The following VIL1 variants were observed in gnomAD, a reference collection of about 807,000 sequenced individuals.
The protein encoded by VIL1 is villin 1.
A neutral mutation model predicts 104.0 loss-of-function variants in VIL1; 86 were observed. The ratio of observed to expected loss-of-function variants is 0.83; its 90% CI spans 0.69 to 0.99. The LOEUF is 0.99. Among genes scored for constraint, VIL1 ranks in the 50% least tolerant of loss-of-function variants. The pLI is 0.00. For synonymous variants in VIL1, 394 were observed against 412.6 expected (o/e 0.95, Z 0.55); for missense variants, 944 against 1,054.1 (o/e 0.90, Z 1.45).
chr2:218,429,674 A>G lies in VIL1; in HGVS notation c.848A>G (p.Glu283Gly), dbSNP rs770001600. 5 of 1,613,898 alleles carry G rather than the reference A, an allele frequency of 3.1e-6. No individual in the cohort carries two copies. The East Asian group carries it at 1.1e-4, about 36-fold the overall frequency. ...CTGACACAGGACCTGCTCAGTCACG[A>G]GGTAAGAGGGTCTGGAGACCCCTCA... Reference protein sequence around the residue: ...RPLTQDLLSHEDCYILDQGGL... With the variant: ...RPLTQDLLSHGDCYILDQGGL... Residue 283 changes from glutamate (E) to glycine (G), a missense_variant and splice_region_variant, in exon 8 of 20, where the codon GAG becomes GGG. Physicochemically the swap from Glu to Gly is moderately conservative, Grantham distance 98. Coordinates refer to ENST00000248444, the MANE Select transcript of VIL1 (RefSeq NM_007127.3).
chr2:218,436,475 C>A lies in VIL1; in HGVS notation c.1827-7C>A. ...TCTGCCAGTACAATCTTCTCTCCAT[C>A]CTGCAGACTACAGGAAGAAAACCTG... On this transcript the variant is annotated splice_region_variant and splice_polypyrimidine_tract_variant and intron_variant, in intron 15 of 19. Coordinates refer to ENST00000248444, the MANE Select transcript of VIL1 (RefSeq NM_007127.3). The A allele has an allele frequency of 6.2e-7, 1 of 1,612,814 alleles. No homozygotes were observed. Among genetic ancestry groups the A allele is most frequent in the Non-Finnish European group, 8.5e-7 (1 of 1,179,392 alleles).
chr2:218,436,540 G>A lies in VIL1; in HGVS notation c.1885G>A (p.Gly629Arg). 6.2e-7 allele frequency: 1 copy of A among 1,614,048 alleles called. No individual in the cohort carries two copies. The change falls in exon 16 of 20, where the codon GGG becomes AGG. Residue 629 changes from glycine (G) to arginine (R), a missense_variant. Gly to Arg is a moderately radical substitution (Grantham distance 125). Coordinates refer to ENST00000248444, the MANE Select transcript of VIL1 (RefSeq NM_007127.3). Reference protein sequence around the residue: ...PRLFECSNKTGRFLATEIPDF... With the variant: ...PRLFECSNKTRRFLATEIPDF... ...GCTCTTTGAGTGTTCCAACAAGACT[G>A]GGCGCTTCCTGGCCACAGAGATCCC...
rs563468628 is a variant in VIL1, at chr2:218,430,103, G to A, written c.948+156G>A. 1.6e-4 allele frequency among the ~76,000 whole-genome samples: 24 copies of A among 152,250 alleles called. 1 individual carries two copies. The South Asian group carries it at 3.5e-3, about 22-fold the overall frequency. ...GAGGAGCAGGATGAGGGCTGGGCCCGGCCCAATGGGAGGGGCCTGAGGGGC... is the reference window on the plus strand; with the variant it reads ...GAGGAGCAGGATGAGGGCTGGGCCCAGCCCAATGGGAGGGGCCTGAGGGGC... On this transcript the variant is annotated intron_variant, in intron 9 of 19. Transcript: ENST00000248444.
chr2:218,423,881 G>A (rs752015024), intron 2 of VIL1, 28 bp downstream of exon 2: 6 of 1,613,248 alleles, frequency 3.7e-6, no homozygotes, highest in Non-Finnish European at 5.1e-6. Context: ...CATGGGGGCT[G>A]CTCAGGCCTG....
chr2:218,431,750 C>A, intron 10 of VIL1, 107 bp from the exon 11 acceptor site: 1 of 947,372 alleles, frequency 1.1e-6, no homozygotes, highest in Non-Finnish European at 1.7e-6. Context: ...CCTCGGTTTC[C>A]TCATCTGAAA....
chr2:218,420,839 C>A (rs1406634058), intron 1 of VIL1, among the ~76,000 whole-genome samples: 1 of 152,174 alleles, frequency 6.6e-6, no homozygotes, highest in Non-Finnish European at 1.5e-5. Flanking sequence ...CCTGCCTCGG[C>A]CTCCCAAAGT....
At position 218,428,052 on chromosome 2, in the gene VIL1, G is replaced by A; in HGVS notation, c.435G>A (p.Lys145=). Residue 145 remains lysine (K), a synonymous_variant, in exon 5 of 20, where the codon AAG becomes AAA. Transcript: ENST00000248444. ...DVQRLLHVKG[K]RNVVAGEVEM... is the part of the protein sequence containing the mutation. ...AGAGGCTGCTGCATGTCAAGGGCAA[G>A]AGGAACGTGGTAGCTGGAGAGGTAG... The A allele has an allele frequency of 6.2e-7, 1 of 1,614,198 alleles. No individual in the cohort carries two copies. The highest frequency in any genetic ancestry group is 8.5e-7 in the Non-Finnish European group (1 of 1,180,030).
intron 19 of VIL1, among the ~76,000 whole-genome samples, chr2:218,441,742 C>A (rs565148872): frequency 6.6e-6 from 1 of 152,290 alleles, no homozygotes; most frequent in Admixed American, 6.5e-5. Context: ...AATCCCAGCA[C>A]TTTGAGAGGC....
chr2:218,440,882 G>A lies in VIL1; in HGVS notation c.2370+20G>A, dbSNP rs756683792. On this transcript the variant is annotated intron_variant, in intron 19 of 19. Coordinates refer to ENST00000248444, the MANE Select transcript of VIL1 (RefSeq NM_007127.3). The stretch of plus-strand genomic sequence containing the variant: ...AAGGAGGTAGGTCAGATTCTCAAAG[G>A]AAGACAAAGAAGTCCATTTGTTGGA... 8 of 1,612,902 alleles carry A rather than the reference G, an allele frequency of 5.0e-6. No individual in the cohort carries two copies. The highest frequency in any genetic ancestry group is 6.8e-6 in the Non-Finnish European group (8 of 1,179,442).
rs1408601869 is a variant in VIL1, at chr2:218,451,966, CAT to C, written c.*2631_*2632del. Reference sequence around the variant, plus strand: ...GACAAAACTCATGAGTGTGCACACACATGTGAATATATCCCTACGAAACAGTC... The same window carrying C: ...GACAAAACTCATGAGTGTGCACACACGTGAATATATCCCTACGAAACAGTC... On this transcript the variant is annotated 3_prime_UTR_variant, in exon 20 of 20. Coordinates refer to ENST00000248444, the MANE Select transcript of VIL1 (RefSeq NM_007127.3). 1.3e-5 allele frequency: 2 copies of C among 152,604 alleles called. No homozygotes were observed. Among genetic ancestry groups the C allele is most frequent in the Non-Finnish European group, 2.9e-5 (2 of 68,038 alleles). 9.5% of individuals were successfully genotyped at this position (152,604 alleles called of 1,614,324 possible). A position where few individuals can be genotyped will look rare whatever the true frequency, so the allele number is the denominator to read the frequency against.
At position 218,424,650 on chromosome 2, in the gene VIL1, ATCT is replaced by A. The variant is rs572616773; in HGVS notation, c.150+304_150+306del. Among the ~76,000 whole-genome samples the A allele has an allele frequency of 1.1e-4, 16 of 150,884 alleles. No homozygotes were observed. In the East Asian group the frequency reaches 2.5e-3, roughly 24 times the overall value. The stretch of plus-strand genomic sequence containing the variant: ...GTCCACATTTCCACAATCCATAGTC[ATCT>A]TCTTTTTTTAAAATTTTTTTCCGGA... On this transcript the variant is annotated intron_variant, in intron 3 of 19. Coordinates refer to ENST00000248444, the MANE Select transcript of VIL1 (RefSeq NM_007127.3).
rs1559149073 is a variant in VIL1 at position 218,436,628 on chromosome 2, T to C, written c.1971+2T>C. ...TTCCTACTAGATGTCTGGGACCAGG[T>C]AGGACCAAGGGCCTGGGGACCCCTC... On this transcript the variant is annotated splice_donor_variant, in intron 16 of 19. Coordinates refer to ENST00000248444, the MANE Select transcript of VIL1 (RefSeq NM_007127.3). LOFTEE classifies it high-confidence loss of function. 8.1e-6 allele frequency: 13 copies of C among 1,613,578 alleles called. No individual in the cohort carries two copies. The highest frequency in any genetic ancestry group is 1.0e-5 in the Non-Finnish European group (12 of 1,179,856).
At chr2:218,446,330 G>A (rs1689363123) in intron 19 of VIL1, among the ~76,000 whole-genome samples, 1 of 152,136 alleles carries the variant, frequency 6.6e-6, no homozygotes, top group Non-Finnish European at 1.5e-5. Flanking sequence ...CGCCTCCCAG[G>A]TTCAAGCTAT....
At chr2:218,428,456 TC>T in intron 6 of VIL1, 119 bp downstream of exon 6, 1 of 844,622 alleles carries the variant, frequency 1.2e-6, no homozygotes, top group Non-Finnish European at 1.9e-6. Context: ...TGGCTCAGTC[TC>T]CATGTGTTTG....
intron 1 of VIL1, among the ~76,000 whole-genome samples, chr2:218,422,640 C>T (rs1688917891): frequency 6.6e-6 from 1 of 152,212 alleles, no homozygotes; most frequent in African/African-American, 2.4e-5. Flanking sequence ...TACTAAAAGG[C>T]CAAGTCACTA....
At position 218,451,221 on chromosome 2, in the gene VIL1, G is replaced by A. The variant is rs1365653233; in HGVS notation, c.*1885G>A. On this transcript the variant is annotated 3_prime_UTR_variant, in exon 20 of 20. Coordinates refer to ENST00000248444, the MANE Select transcript of VIL1 (RefSeq NM_007127.3). The stretch of plus-strand genomic sequence containing the variant: ...ACTCAGTATAAAGCAAAATGGGGAG[G>A]AAAAAGACATCCATCCATTTTATTG... 6.6e-6 allele frequency: 1 copy of A among 152,070 alleles called. No homozygotes were observed. The highest frequency in any genetic ancestry group is 1.9e-4 in the East Asian group (1 of 5,194). 9.4% of individuals were successfully genotyped at this position (152,070 alleles called of 1,614,324 possible).
intron 17 of VIL1, among the ~76,000 whole-genome samples, chr2:218,438,080 T>C (rs1437137610): frequency 2.6e-5 from 4 of 152,224 alleles, no homozygotes; most frequent in Non-Finnish European, 5.9e-5. Context: ...AGGCAGCATA[T>C]CGAGATGCCA....
intron 6 of VIL1, 78 bp downstream of exon 6, chr2:218,428,415 C>A: frequency 1.6e-6 from 2 of 1,264,696 alleles, no homozygotes; most frequent in East Asian, 2.3e-5. Context: ...GGCCTCTCCC[C>A]GCTGACTGCT....
chr2:218,421,205 G>A (rs1340199329), intron 1 of VIL1, among the ~76,000 whole-genome samples: 2 of 152,020 alleles, frequency 1.3e-5, no homozygotes, highest in Non-Finnish European at 2.9e-5. Context: ...GGGTGGGGCC[G>A]CCAGCAGTGT....
Sources: gnomAD v4.1 joint callset for allele counts (sites outside exome capture counted in the v4.1 genomes callset) on GRCh38, gnomAD v4.1.1 for gene constraint, MANE v1.5 for transcripts, NCBI Gene and HGNC (gene_info 2026-07-23, HGNC 2026-07-21) for gene names.